SHQ1: variants seen among roughly 807,000 people sequenced by gnomAD.
SHQ1 encodes the protein SHQ1, H/ACA ribonucleoprotein assembly factor, also known as protein SHQ1 homolog.
Under a neutral mutation model 53.8 loss-of-function variants are expected in SHQ1, and 49 were observed. The ratio of observed to expected loss-of-function variants is 0.91; its 90% confidence interval spans 0.72 to 1.16. The LOEUF is 1.16. SHQ1 is among the 50% of genes most tolerant of loss of function. The pLI, the probability that SHQ1 is intolerant of heterozygous loss-of-function variation, is 0.00. For synonymous variants in SHQ1, 243 were observed against 251.0 expected, an observed-to-expected ratio of 0.97 and a Z score of 0.30; for missense variants, 738 against 683.1, an observed-to-expected ratio of 1.08 and a Z score of -0.90.
intron 6 of SHQ1, among the ~76,000 whole-genome samples, chr3:72,823,924 T>C (rs1707563912): frequency 6.6e-6 from 1 of 152,244 alleles, no homozygotes; most frequent in African/African-American, 2.4e-5. Flanking sequence ...TGTTCTCTTC[T>C]TGATCTGTCT....
At chr3:72,784,474 T>C (rs946452254) in intron 10 of SHQ1, among the ~76,000 whole-genome samples, 1 of 152,198 alleles carries the variant, frequency 6.6e-6, no homozygotes, top group African/African-American at 2.4e-5. Context: ...GAATGGATAC[T>C]GCCTTGTACT....
chr3:72,814,009 A>G (rs912972266), intron 8 of SHQ1, among the ~76,000 whole-genome samples: 1 of 152,002 alleles, frequency 6.6e-6, no homozygotes, highest in Non-Finnish European at 1.5e-5. Context: ...AATTTCCACA[A>G]AATTGTTTTT....
intron 10 of SHQ1, among the ~76,000 whole-genome samples, chr3:72,785,078 C>T (rs1469499085): frequency 6.6e-6 from 1 of 152,208 alleles, no homozygotes; most frequent in Non-Finnish European, 1.5e-5. Context: ...GAATCTATCC[C>T]CACTGAAAGT....
Position 72,812,712 on chromosome 3 carries a change from A to G in SHQ1, c.1019T>C (p.Val340Ala). ...CYPLYRHFKLVMKAYRDTIKI... is the reference protein window; with the variant it reads ...CYPLYRHFKLAMKAYRDTIKI... ...TATAGTGTCCCTGTAGGCCTTCATCACCAGCTTGAAATGGCGATAGAGTGG... is the reference window on the plus strand; with the variant it reads ...TATAGTGTCCCTGTAGGCCTTCATCGCCAGCTTGAAATGGCGATAGAGTGG... Residue 340 changes from valine (V) to alanine (A), a missense_variant, in exon 9 of 11, where the codon GTG becomes GCG. Physicochemically the swap from Val to Ala is moderately conservative, Grantham distance 64. Transcript: ENST00000325599. 3.7e-6 allele frequency: 6 copies of G among 1,614,078 alleles called. No homozygotes were observed. Among genetic ancestry groups the G allele is most frequent in the Non-Finnish European group, 5.1e-6 (6 of 1,179,986 alleles).
chr3:72,761,835 T>G (rs923351055), intron 10 of SHQ1, among the ~76,000 whole-genome samples: 2 of 152,224 alleles, frequency 1.3e-5, no homozygotes, highest in African/African-American at 4.8e-5. Context: ...TTACTTTTTA[T>G]GTTAATTATG....
intron 5 of SHQ1, among the ~76,000 whole-genome samples, chr3:72,830,473 T>C (rs974080756): frequency 3.9e-5 from 6 of 152,030 alleles, no homozygotes; most frequent in Non-Finnish European, 5.9e-5. Flanking sequence ...AGCCTTTTTT[T>C]CTCCACTGTT....
the SHQ1 span, among the ~76,000 whole-genome samples, chr3:72,727,197 A>G: frequency 6.6e-6 from 1 of 152,166 alleles, no homozygotes; most frequent in Non-Finnish European, 1.5e-5. Flanking sequence ...GCAAGAATTC[A>G]GCTTTGTTGG....
intron 10 of SHQ1, among the ~76,000 whole-genome samples, chr3:72,790,992 G>GA (rs1161605288): frequency 6.6e-6 from 1 of 151,972 alleles, no homozygotes; most frequent in East Asian, 1.9e-4. Flanking sequence ...AAAACCAAGA[G>GA]AAAAAGTTTT....
the SHQ1 span, among the ~76,000 whole-genome samples, chr3:72,731,816 G>T: frequency 9.2e-3 from 1,398 of 151,634 alleles, 50 homozygotes; most frequent in African/African-American, 0.03. Context: ...TTTCCAAAGT[G>T]CAAAAAGCCA....
At chr3:72,805,710 C>A (rs1706920219) in intron 9 of SHQ1, among the ~76,000 whole-genome samples, 1 of 151,990 alleles carries the variant, frequency 6.6e-6, no homozygotes, top group Non-Finnish European at 1.5e-5. Flanking sequence ...AAGCCATCAC[C>A]CATCAGTAAG....
chr3:72,815,525 G>A (rs2106869600), intron 7 of SHQ1, 122 bp from the exon 8 acceptor site: 3 of 661,914 alleles, frequency 4.5e-6, no homozygotes, highest in South Asian at 4.3e-5. Flanking sequence ...ACTAAGAAGT[G>A]TTCACGACTA....
At chr3:72,825,693 A>AC (rs2106903706) in intron 5 of SHQ1, among the ~76,000 whole-genome samples, 1 of 152,246 alleles carries the variant, frequency 6.6e-6, no homozygotes, top group Admixed American at 6.5e-5. Context: ...CATGGTGAAA[A>AC]TTTTATTTAT....
intron 4 of SHQ1, among the ~76,000 whole-genome samples, chr3:72,838,962 A>C (rs1708078855): frequency 2.0e-5 from 3 of 152,202 alleles, no homozygotes; most frequent in Admixed American, 6.5e-5. Context: ...AAAAAAAAAA[A>C]AAAACCTAAA....
the SHQ1 span, among the ~76,000 whole-genome samples, chr3:72,728,422 G>A: frequency 6.6e-6 from 1 of 152,174 alleles, no homozygotes; most frequent in Admixed American, 6.5e-5. Flanking sequence ...CCCTGCACTA[G>A]AGGCCCGAGG....
At chr3:72,766,893 A>C (rs1705742744) in intron 10 of SHQ1, among the ~76,000 whole-genome samples, 1 of 152,236 alleles carries the variant, frequency 6.6e-6, no homozygotes, top group South Asian at 2.1e-4. Flanking sequence ...AATATGGGCC[A>C]CTAACCCCAT....
At chr3:72,842,233 A>G in intron 3 of SHQ1, 47 bp downstream of exon 3, 5 of 1,596,812 alleles carry the variant, frequency 3.1e-6, no homozygotes, top group Non-Finnish European at 4.3e-6. Flanking sequence ...ACAGCATTCC[A>G]AATATTTCTA....
chr3:72,746,532 A>G (rs927808571), downstream of SHQ1, among the ~76,000 whole-genome samples: 1 of 152,226 alleles, frequency 6.6e-6, no homozygotes, highest in African/African-American at 2.4e-5. Context: ...CTCCATGAAC[A>G]AAGAAAGGGT....
At chr3:72,753,755 A>C in intron 10 of SHQ1, 5 of 464,734 alleles carry the variant, frequency 1.1e-5, no homozygotes, top group Non-Finnish European at 1.4e-5. Flanking sequence ...ATCTTTTATC[A>C]GTCTGAGGCA....
chr3:72,780,180 T>C (rs535177445), intron 10 of SHQ1, among the ~76,000 whole-genome samples: 1 of 152,336 alleles, frequency 6.6e-6, no homozygotes, highest in South Asian at 2.1e-4. Flanking sequence ...ACAATAAAGC[T>C]TCTGAAACAT....
Sources: gnomAD v4.1 joint callset for allele counts (sites outside exome capture counted in the v4.1 genomes callset) on GRCh38, gnomAD v4.1.1 for gene constraint, MANE v1.5 for transcripts, NCBI Gene and HGNC (gene_info 2026-07-23, HGNC 2026-07-21) for gene names.